PTPRD: variants seen among roughly 807,000 people sequenced by gnomAD.
PTPRD encodes receptor-type tyrosine-protein phosphatase delta.
Under a neutral mutation model 214.5 loss-of-function variants are expected in PTPRD, and 34 were observed. That is an observed-to-expected ratio of 0.16 (90% CI 0.12 to 0.21). PTPRD has a LOEUF of 0.21. PTPRD is among the 10% of genes least tolerant of loss of function. The probability of loss-of-function intolerance (pLI) is 1.00; values close to 1 mark genes in which losing one functional copy is unlikely to be tolerated. For synonymous variants in PTPRD, 1,128 were observed against 845.7 expected, an observed-to-expected ratio of 1.33 and a Z score of -5.79; for missense variants, 2,545 against 2,398.7, an observed-to-expected ratio of 1.06 and a Z score of -1.27.
intron 8 of PTPRD, among the ~76,000 whole-genome samples, chr9:9,414,496 G>C (rs975324845): frequency 2.6e-5 from 4 of 152,188 alleles, no homozygotes; most frequent in Admixed American, 6.5e-5. Flanking sequence ...TGGTAATTGA[G>C]TCTTCCTGGT....
chr9:8,444,780 C>T (rs78133293), intron 34 of PTPRD, among the ~76,000 whole-genome samples: 56 of 152,086 alleles, frequency 3.7e-4, no homozygotes, highest in Admixed American at 2.6e-3. Context: ...TGTTCTGGGA[C>T]GGAGAGACTA....
intron 2 of PTPRD, among the ~76,000 whole-genome samples, chr9:10,486,192 T>C (rs185389136): frequency 5.9e-5 from 9 of 152,294 alleles, no homozygotes; most frequent in Admixed American, 5.2e-4. Flanking sequence ...TTTAATTAGA[T>C]CCCATTTGTC....
intron 3 of PTPRD, among the ~76,000 whole-genome samples, chr9:10,126,471 A>G (rs1272784662): frequency 6.6e-6 from 1 of 151,742 alleles, no homozygotes; most frequent in Admixed American, 6.6e-5. Context: ...ACATTGATAT[A>G]TATATATATA....
intron 10 of PTPRD, among the ~76,000 whole-genome samples, chr9:9,110,222 C>T (rs1401309767): frequency 2.0e-5 from 3 of 152,116 alleles, no homozygotes; most frequent in Non-Finnish European, 4.4e-5. Flanking sequence ...ATTTCACTTA[C>T]TTTTAATACT....
Position 10,479,658 on chromosome 9 carries a change from T to TAAATAAATAAATAAACAAACAAAC in PTPRD, c.-600+132739_-600+132740insGTTTGTTTGTTTATTTATTTATTT, listed in dbSNP as rs141946645. The stretch of plus-strand genomic sequence containing the variant: ...ATAAATAAATAAATAAATAAATAAA[T>TAAATAAATAAATAAACAAACAAAC]AAACAAAAATACAAAAATTTGCCAA... On this transcript the variant is annotated intron_variant, in intron 2 of 45. Coordinates refer to ENST00000381196, the MANE Select transcript of PTPRD (RefSeq NM_002839.4). 3.0e-3 allele frequency among the ~76,000 whole-genome samples: 437 copies of TAAATAAATAAATAAACAAACAAAC among 145,900 alleles called. 4 individuals are homozygous for TAAATAAATAAATAAACAAACAAAC. The highest frequency in any genetic ancestry group is 4.4e-3 in the South Asian group (20 of 4,522).
chr9:9,600,557 G>C (rs1256851123), intron 7 of PTPRD, among the ~76,000 whole-genome samples: 1 of 152,026 alleles, frequency 6.6e-6, no homozygotes, highest in Non-Finnish European at 1.5e-5. Context: ...TGTTCAAGAG[G>C]AAGGAGGCAT....
In PTPRD at chr9:10,474,292, A is replaced by G. The variant is rs976617413; in HGVS notation, c.-599-133275T>C. ...AAAATAAAGGGATGGAGGAATATTT[A>G]CCAAGCAAATGGAAAGCAGAAAAAA... On this transcript the variant is annotated intron_variant, in intron 2 of 45. Transcript: ENST00000381196. 3.0e-5 allele frequency among the ~76,000 whole-genome samples: 4 copies of G among 135,222 alleles called. No individual in the cohort carries two copies. In the East Asian group the frequency reaches 9.2e-4, roughly 31 times the overall value. The allele number at this position is 135,222 out of a possible 152,430, so 88.7% of individuals were successfully genotyped here.
intron 5 of PTPRD, among the ~76,000 whole-genome samples, chr9:9,890,372 A>AT (rs1288735186): frequency 1.3e-5 from 2 of 151,156 alleles, no homozygotes; most frequent in East Asian, 2.0e-4. Context: ...TTTTTTTTGA[A>AT]TTTTTTATAG....
intron 9 of PTPRD, among the ~76,000 whole-genome samples, chr9:9,186,334 A>G (rs1452340641): frequency 2.0e-5 from 3 of 152,122 alleles, no homozygotes; most frequent in African/African-American, 4.8e-5. Context: ...GCTGAAGTTC[A>G]TAACTTTAAA....
chr9:9,221,033 C>T (rs2133352947), intron 9 of PTPRD, among the ~76,000 whole-genome samples: 1 of 152,164 alleles, frequency 6.6e-6, no homozygotes, highest in South Asian at 2.1e-4. Flanking sequence ...GTCCCTCTCC[C>T]TGGTTGAAAT....
intron 12 of PTPRD, among the ~76,000 whole-genome samples, chr9:8,698,970 A>C (rs1390309472): frequency 6.6e-6 from 1 of 152,138 alleles, no homozygotes; most frequent in Admixed American, 6.6e-5. Flanking sequence ...CTCTCCAGCC[A>C]CTGGGCAAAT....
chr9:9,832,338 T>C (rs1047650922), intron 5 of PTPRD, among the ~76,000 whole-genome samples: 1 of 152,094 alleles, frequency 6.6e-6, no homozygotes, highest in South Asian at 2.1e-4. Context: ...TCTATAGGGA[T>C]GGATATCTGA....
chr9:8,966,988 C>T (rs1295522926), intron 11 of PTPRD, among the ~76,000 whole-genome samples: 1 of 151,816 alleles, frequency 6.6e-6, no homozygotes, highest in African/African-American at 2.4e-5. Context: ...GGACCATAGA[C>T]ATGAACAGAC....
chr9:9,017,958 T>C (rs2099543262), intron 11 of PTPRD, among the ~76,000 whole-genome samples: 1 of 152,154 alleles, frequency 6.6e-6, no homozygotes, highest in African/African-American at 2.4e-5. Flanking sequence ...TTGTATTTGT[T>C]CCACCTCTCT....
chr9:8,411,217 C>T (rs750990776), intron 35 of PTPRD, among the ~76,000 whole-genome samples: 13 of 151,514 alleles, frequency 8.6e-5, no homozygotes, highest in Non-Finnish European at 1.9e-4. Context: ...AATAAGAATC[C>T]AAAAAAGAAC....
chr9:8,986,585 CCTT>C (rs1187288128), intron 11 of PTPRD, among the ~76,000 whole-genome samples: 3 of 151,624 alleles, frequency 2.0e-5, no homozygotes, highest in Admixed American at 2.0e-4. Context: ...ATACAGTATC[CCTT>C]CTTATGTTTT....
intron 11 of PTPRD, among the ~76,000 whole-genome samples, chr9:8,769,985 T>G (rs762426309): frequency 7.9e-5 from 12 of 152,062 alleles, no homozygotes; most frequent in Non-Finnish European, 1.5e-4. Flanking sequence ...GAAAACTGTC[T>G]GATTGAAAGT....
At position 8,499,630 on chromosome 9, in the gene PTPRD, T is replaced by C. The variant is rs368545155; in HGVS notation, c.2322+17A>G. On this transcript the variant is annotated intron_variant, in intron 25 of 45. Transcript: ENST00000381196. The stretch of plus-strand genomic sequence containing the variant: ...CTTATTATATAAAAACAGAGGTACA[T>C]AATTTCAGAGGCTTACCTGTGCATC... The C allele has an allele frequency of 1.4e-5, 23 of 1,600,762 alleles. No homozygotes were observed. In the African/African-American group the frequency reaches 2.7e-4, roughly 19 times the overall value.
At chr9:10,432,565 C>A (rs1349822189) in intron 2 of PTPRD, among the ~76,000 whole-genome samples, 1 of 152,004 alleles carries the variant, frequency 6.6e-6, no homozygotes, top group Non-Finnish European at 1.5e-5. Flanking sequence ...CTGTCACATT[C>A]TTTTCTTTCT....
Sources: allele counts gnomAD v4.1 joint callset (sites outside exome capture counted in the v4.1 genomes callset), GRCh38; gene constraint gnomAD v4.1.1; transcripts MANE v1.5; gene names NCBI Gene and HGNC (gene_info 2026-07-23, HGNC 2026-07-21).